CAMKMT: variants seen among roughly 807,000 people sequenced by gnomAD.
CAMKMT encodes calmodulin-lysine N-methyltransferase.
A neutral mutation model predicts 48.0 loss-of-function variants in CAMKMT; 53 were observed. The observed-to-expected ratio is 1.10, with a 90% CI of 0.89 to 1.39. The LOEUF (loss-of-function observed/expected upper bound fraction) is 1.39. Among genes scored for constraint, CAMKMT ranks in the 40% most tolerant of loss-of-function variants. CAMKMT has a pLI of 0.00. For missense variants in CAMKMT, 428 were observed against 402.7 expected (o/e 1.06, Z -0.54); for synonymous variants, 165 against 152.3 (o/e 1.08, Z -0.61).
chr2:44,559,882 T>G (rs1668233109), intron 3 of CAMKMT, among the ~76,000 whole-genome samples: 1 of 152,228 alleles, frequency 6.6e-6, no homozygotes, highest in Admixed American at 6.5e-5. Flanking sequence ...ATAAAAAAGC[T>G]TCTCTATGTT....
chr2:44,716,244 A>G (rs1678169503), intron 7 of CAMKMT, among the ~76,000 whole-genome samples: 2 of 151,958 alleles, frequency 1.3e-5, no homozygotes, highest in Admixed American at 1.3e-4. Context: ...TCCCACCCCA[A>G]CTTCCCAGTT....
intron 7 of CAMKMT, among the ~76,000 whole-genome samples, chr2:44,727,278 G>A (rs113519167): frequency 1.3e-5 from 2 of 152,094 alleles, no homozygotes; most frequent in South Asian, 2.1e-4. Flanking sequence ...ATTTATTTGT[G>A]TTGTCTTTGA....
intron 3 of CAMKMT, among the ~76,000 whole-genome samples, chr2:44,623,635 T>A (rs1373587289): frequency 6.6e-6 from 1 of 152,176 alleles, no homozygotes. Context: ...CAGATGGTTG[T>A]AGATGTGTGG....
At chr2:44,377,302 T>C (rs2104374512) in intron 2 of CAMKMT, among the ~76,000 whole-genome samples, 1 of 152,266 alleles carries the variant, frequency 6.6e-6, no homozygotes, top group South Asian at 2.1e-4. Flanking sequence ...CCACTATGCC[T>C]GGACTTTGGT....
intron 2 of CAMKMT, among the ~76,000 whole-genome samples, chr2:44,388,198 A>G (rs917189817): frequency 2.6e-5 from 4 of 152,144 alleles, no homozygotes; most frequent in Non-Finnish European, 5.9e-5. Context: ...GGCTTTGTTC[A>G]TATTTTCTTA....
Position 44,499,628 on chromosome 2 carries a change from G to A in CAMKMT, c.376+109323G>A, listed in dbSNP as rs184584760. ...CAAAACGGGAATTCACTGTTCTTTGGTACTTGTCCTGTGACAAGCCTGGTG... is the reference window on the plus strand; with the variant it reads ...CAAAACGGGAATTCACTGTTCTTTGATACTTGTCCTGTGACAAGCCTGGTG... On this transcript the variant is annotated intron_variant, in intron 3 of 10. Transcript: ENST00000378494. Among the ~76,000 whole-genome samples the A allele has an allele frequency of 3.9e-4, 60 of 152,242 alleles. No homozygotes were observed. The East Asian group carries it at 5.2e-3, about 13-fold the overall frequency.
chr2:44,590,112 G>T (rs1558726610), intron 3 of CAMKMT, among the ~76,000 whole-genome samples: 1 of 151,342 alleles, frequency 6.6e-6, no homozygotes, highest in Non-Finnish European at 1.5e-5. Context: ...CCATCTAGAT[G>T]CCTTTTATTT....
intron 1 of CAMKMT, among the ~76,000 whole-genome samples, chr2:44,362,585 C>T (rs373654593): frequency 6.6e-6 from 1 of 152,190 alleles, no homozygotes; most frequent in Admixed American, 6.5e-5. Context: ...GTCTTTTGCC[C>T]AGCGTGGTTG....
At chr2:44,683,269 G>A (rs1426304780) in intron 3 of CAMKMT, among the ~76,000 whole-genome samples, 1 of 152,044 alleles carries the variant, frequency 6.6e-6, no homozygotes, top group Non-Finnish European at 1.5e-5. Flanking sequence ...AAATTGGGAT[G>A]AGTATGATTC....
At chr2:44,635,827 C>T (rs944460497) in intron 3 of CAMKMT, among the ~76,000 whole-genome samples, 19 of 152,258 alleles carry the variant, frequency 1.2e-4, no homozygotes, top group South Asian at 2.1e-4. Flanking sequence ...ACAAGACTAA[C>T]GAAGTGACTT....
intron 3 of CAMKMT, among the ~76,000 whole-genome samples, chr2:44,522,450 C>A (rs554292789): frequency 6.6e-6 from 1 of 152,218 alleles, no homozygotes; most frequent in Non-Finnish European, 1.5e-5. Flanking sequence ...CTCTCTTGGG[C>A]TCCTTGTAAA....
chr2:44,460,731 T>C, intron 3 of CAMKMT, among the ~76,000 whole-genome samples: 1 of 147,486 alleles, frequency 6.8e-6, no homozygotes, highest in East Asian at 1.9e-4. Context: ...TTTTTTTTTT[T>C]TTTTTTTGAG....
intron 3 of CAMKMT, among the ~76,000 whole-genome samples, chr2:44,437,492 C>A (rs1445533406): frequency 7.1e-6 from 1 of 141,004 alleles, no homozygotes; most frequent in Non-Finnish European, 1.5e-5. Context: ...CCTTTATGTC[C>A]ATGTTTTTCT....
At chr2:44,768,582 G>T (rs1680961541) in intron 10 of CAMKMT, among the ~76,000 whole-genome samples, 1 of 151,930 alleles carries the variant, frequency 6.6e-6, no homozygotes, top group African/African-American at 2.4e-5. Flanking sequence ...GGGCAGCGCC[G>T]CTGCTCCTCG....
intron 1 of CAMKMT, among the ~76,000 whole-genome samples, chr2:44,371,292 T>C (rs1247405701): frequency 1.3e-5 from 2 of 152,096 alleles, no homozygotes; most frequent in African/African-American, 4.8e-5. Flanking sequence ...AGCCTATTTT[T>C]ATTTTTTGTA....
intron 3 of CAMKMT, among the ~76,000 whole-genome samples, chr2:44,568,837 T>C (rs1668754171): frequency 6.6e-6 from 1 of 152,128 alleles, no homozygotes; most frequent in Admixed American, 6.6e-5. Context: ...AGAGGCCCTG[T>C]GGAGGCTAGT....
chr2:44,544,815 AT>A (rs1667308408), intron 3 of CAMKMT, among the ~76,000 whole-genome samples: 1 of 152,204 alleles, frequency 6.6e-6, no homozygotes. Context: ...TCAGAGGAAA[AT>A]TTAGACTTTA....
intron 3 of CAMKMT, among the ~76,000 whole-genome samples, chr2:44,606,976 T>G (rs72882952): frequency 0.03 from 4,534 of 152,296 alleles, 192 homozygotes; most frequent in African/African-American, 0.097. Context: ...TCTGAATTGT[T>G]TTGTCAGTAT....
At chr2:44,455,816 TG>T (rs1476679165) in intron 3 of CAMKMT, among the ~76,000 whole-genome samples, 2 of 152,216 alleles carry the variant, frequency 1.3e-5, no homozygotes, top group Non-Finnish European at 2.9e-5. Context: ...TGTAATCTAT[TG>T]TTGTTGTTTT....
Sources: allele counts gnomAD v4.1 joint callset (sites outside exome capture counted in the v4.1 genomes callset), GRCh38; gene constraint gnomAD v4.1.1; transcripts MANE v1.5; gene names NCBI Gene and HGNC (gene_info 2026-07-23, HGNC 2026-07-21).